The following IRAG1 variants were observed in gnomAD, a reference collection of about 807,000 sequenced individuals.
The protein encoded by IRAG1 is IP3R-associated cGMP kinase substrate.
In IRAG1, 62 loss-of-function variants were observed where a neutral mutation model predicts 106.2. The ratio of observed to expected loss-of-function variants is 0.58; its 90% CI spans 0.48 to 0.72. The LOEUF (loss-of-function observed/expected upper bound fraction) is 0.72, where lower values mean the gene tolerates loss of function less well. Ranked by LOEUF, IRAG1 falls within the 30% of genes least tolerant of loss-of-function variation. The probability of loss-of-function intolerance (pLI) is 0.00; values close to 1 mark genes in which losing one functional copy is unlikely to be tolerated. For missense variants in IRAG1, 1,064 were observed against 1,140.7 expected (o/e 0.93, Z 0.97); for synonymous variants, 462 against 443.9 (o/e 1.04, Z -0.51).
chr11:10,679,195 C>T (rs1860943314), intron 1 of IRAG1, among the ~76,000 whole-genome samples: 1 of 152,170 alleles, frequency 6.6e-6, no homozygotes, highest in African/African-American at 2.4e-5. Flanking sequence ...ATAACAATAA[C>T]AACATTCTCT....
At chr11:10,635,031 T>C (rs1202446956) in intron 2 of IRAG1, among the ~76,000 whole-genome samples, 1 of 152,160 alleles carries the variant, frequency 6.6e-6, no homozygotes, top group African/African-American at 2.4e-5. Context: ...CCCTGGTTAG[T>C]TCTCACTAGC....
Position 10,603,655 on chromosome 11 carries a change from C to A in IRAG1, c.1744-404G>T, listed in dbSNP as rs976014016. On this transcript the variant is annotated intron_variant, in intron 13 of 20. Transcript: ENST00000423302. ...CACTGGGCTAAATGTCTGTGCCCCC[C>A]ACAAAGTCATCTGCTGACTTTTGGG... Among the ~76,000 whole-genome samples the A allele has an allele frequency of 1.6e-4, 24 of 152,170 alleles. No individual in the cohort carries two copies. The South Asian group carries it at 3.7e-3, about 24-fold the overall frequency.
chr11:10,584,000 C>T lies in IRAG1; in HGVS notation c.2241-2014G>A, dbSNP rs1469070825. Among the ~76,000 whole-genome samples, 3 of 152,252 alleles carry T rather than the reference C, an allele frequency of 2.0e-5. No individual in the cohort carries two copies. In the East Asian group the frequency reaches 5.8e-4, roughly 29 times the overall value. ...AAGAAGGAAAACAGACATACTAGAA[C>T]ATCTTGGTAAGATGGCTGGGAGGTG... On this transcript the variant is annotated intron_variant, in intron 18 of 20. Coordinates refer to ENST00000423302, the MANE Select transcript of IRAG1 (RefSeq NM_130385.4).
intron 16 of IRAG1, 134 bp downstream of exon 16, chr11:10,594,012 G>A (rs575569969): frequency 2.4e-6 from 2 of 848,726 alleles, no homozygotes; most frequent in African/African-American, 3.4e-5. Flanking sequence ...TTGAGAGTGT[G>A]GAAAGCCGAA....
At chr11:10,618,289 T>G (rs1300867889) in intron 10 of IRAG1, among the ~76,000 whole-genome samples, 2 of 152,204 alleles carry the variant, frequency 1.3e-5, no homozygotes, top group Admixed American at 1.3e-4. Flanking sequence ...GCTAGCTGCT[T>G]CTTCCTCTTT....
intron 18 of IRAG1, among the ~76,000 whole-genome samples, chr11:10,583,218 G>A (rs971047457): frequency 7.2e-5 from 11 of 152,308 alleles, no homozygotes; most frequent in African/African-American, 2.6e-4. Flanking sequence ...TAAAGCCACG[G>A]GGATAGACAA....
intron 10 of IRAG1, 95 bp from the exon 11 acceptor site, chr11:10,609,946 T>A: frequency 8.2e-7 from 1 of 1,224,692 alleles, no homozygotes; most frequent in Non-Finnish European, 1.1e-6. Context: ...TATAAGTATC[T>A]AGTTCTATGT....
intron 20 of IRAG1, among the ~76,000 whole-genome samples, chr11:10,577,005 C>T (rs980460828): frequency 1.3e-5 from 2 of 152,218 alleles, no homozygotes; most frequent in African/African-American, 4.8e-5. Context: ...TGATCAGTTC[C>T]AAGCTCTAAC....
At position 10,671,975 on chromosome 11, in the gene IRAG1, TATG is replaced by T. The variant is rs142014530; in HGVS notation, c.68-19796_68-19794del. 6.0e-3 allele frequency among the ~76,000 whole-genome samples: 910 copies of T among 152,328 alleles called. 9 individuals are homozygous for T. The highest frequency in any genetic ancestry group is 0.021 in the African/African-American group (868 of 41,560). On this transcript the variant is annotated intron_variant, in intron 1 of 20. Coordinates refer to ENST00000423302, the MANE Select transcript of IRAG1 (RefSeq NM_130385.4). ...TTACTATAAAACTATCGTAATATAG[TATG>T]ATACTATACACTATACAAGAAGAGA... is the stretch of plus-strand genomic sequence containing the variant.
At chr11:10,600,146 A>G (rs1024827112) in intron 15 of IRAG1, among the ~76,000 whole-genome samples, 8 of 152,088 alleles carry the variant, frequency 5.3e-5, no homozygotes, top group African/African-American at 1.7e-4. Context: ...TCCTATTTTT[A>G]CTTTAAAACA....
At chr11:10,684,447 G>C (rs1861502954) in intron 1 of IRAG1, among the ~76,000 whole-genome samples, 1 of 151,912 alleles carries the variant, frequency 6.6e-6, no homozygotes, top group Non-Finnish European at 1.5e-5. Context: ...TCACACTCTG[G>C]GGACTGTTGT....
intron 2 of IRAG1, among the ~76,000 whole-genome samples, chr11:10,634,753 TTGTGTG>T (rs57266330): frequency 0.025 from 3,627 of 145,038 alleles, 132 homozygotes; most frequent in African/African-American, 0.079. Context: ...AATAATATTC[TTGTGTG>T]TGTGTGTGTG....
chr11:10,598,876 A>G (rs368617021), intron 15 of IRAG1, among the ~76,000 whole-genome samples: 102 of 152,342 alleles, frequency 6.7e-4, no homozygotes, highest in African/African-American at 2.3e-3. Context: ...AATCAGGGAT[A>G]TTTTATTTAC....
chr11:10,678,656 G>A (rs572485479), intron 1 of IRAG1, among the ~76,000 whole-genome samples: 7 of 152,202 alleles, frequency 4.6e-5, no homozygotes, highest in Non-Finnish European at 1.0e-4. Flanking sequence ...TTGTAAAATA[G>A]CCACCATCTG....
At chr11:10,674,269 A>C (rs1209033544) in intron 1 of IRAG1, among the ~76,000 whole-genome samples, 2 of 151,984 alleles carry the variant, frequency 1.3e-5, no homozygotes, top group African/African-American at 2.4e-5. Flanking sequence ...CCCACACCAC[A>C]CTCCACATGC....
At chr11:10,619,341 C>T (rs558026566) in intron 10 of IRAG1, among the ~76,000 whole-genome samples, 2 of 152,246 alleles carry the variant, frequency 1.3e-5, no homozygotes, top group South Asian at 4.2e-4. Flanking sequence ...AGCCAACAAC[C>T]ATCATAAGAG....
At chr11:10,629,735 G>A (rs768905844) in intron 4 of IRAG1, 24 bp from the exon 5 acceptor site, 15 of 1,607,576 alleles carry the variant, frequency 9.3e-6, no homozygotes, top group Non-Finnish European at 1.1e-5. Context: ...ATGAGCTGGG[G>A]TGAGAGCCAC....
At position 10,604,515 on chromosome 11, in the gene IRAG1, T is replaced by C; in HGVS notation, c.1633A>G (p.Arg545Gly). 4 of 1,614,054 alleles carry C rather than the reference T, an allele frequency of 2.5e-6. No homozygotes were observed. The highest frequency in any genetic ancestry group is 2.2e-5 in the South Asian group (2 of 91,088). Residue 545 changes from arginine (R) to glycine (G), a missense_variant, in exon 13 of 21, where the codon AGA (arginine) becomes GGA (glycine). Physicochemically the swap from Arg to Gly is moderately radical, Grantham distance 125. Coordinates refer to ENST00000423302, the MANE Select transcript of IRAG1 (RefSeq NM_130385.4). ...GATTCCAGAGTGTAGCTGTCATTTC[T>C]AAAGGCCAAGGACAGTTGCACAAAC... ...NVFVQLSLAFRNDSYTLESRI... is the reference protein window; with the variant it reads ...NVFVQLSLAFGNDSYTLESRI...
chr11:10,641,469 C>G (rs1230283649), intron 2 of IRAG1, among the ~76,000 whole-genome samples: 1 of 152,190 alleles, frequency 6.6e-6, no homozygotes, highest in Non-Finnish European at 1.5e-5. Context: ...CCACCAAGGC[C>G]ACCTTCACCC....
Sources: gnomAD v4.1 joint callset for allele counts (sites outside exome capture counted in the v4.1 genomes callset) on GRCh38, gnomAD v4.1.1 for gene constraint, MANE v1.5 for transcripts, NCBI Gene and HGNC (gene_info 2026-07-23, HGNC 2026-07-21) for gene names.